JARID2: variants seen among roughly 807,000 people sequenced by gnomAD.
The protein encoded by JARID2 is protein Jumonji.
A neutral mutation model predicts 125.6 loss-of-function variants in JARID2; 21 were observed. The observed-to-expected ratio is 0.17, with a 90% confidence interval of 0.12 to 0.24. JARID2 has a LOEUF of 0.24. JARID2 is among the 10% of genes least tolerant of loss of function. The pLI is 1.00. For missense variants in JARID2, 1,303 were observed against 1,639.6 expected, an observed-to-expected ratio of 0.79 and a Z score of 3.55; for synonymous variants, 736 against 661.6, an observed-to-expected ratio of 1.11 and a Z score of -1.73.
intron 4 of JARID2, among the ~76,000 whole-genome samples, chr6:15,457,937 C>A (rs773161114): frequency 5.9e-5 from 9 of 152,088 alleles, no homozygotes; most frequent in Admixed American, 1.3e-4. Flanking sequence ...AATATTGTGA[C>A]CTAAAATTTC....
chr6:15,478,249 T>C (rs1451126985), intron 5 of JARID2, among the ~76,000 whole-genome samples: 3 of 152,140 alleles, frequency 2.0e-5, no homozygotes. Flanking sequence ...TAGCCTGGTG[T>C]CAGGGCTAAA....
rs1767432816 is a variant in JARID2, at chr6:15,441,230, C to G, written c.324-10776C>G. On this transcript the variant is annotated intron_variant, in intron 3 of 17. Coordinates refer to ENST00000341776, the MANE Select transcript of JARID2 (RefSeq NM_004973.4). The stretch of plus-strand genomic sequence containing the variant: ...TGTATATTCCTAGATGTTTTCCATA[C>G]AAGAACTTTGGGGTGTAATGAGTTG... Among the ~76,000 whole-genome samples, 4 of 152,152 alleles carry G rather than the reference C, an allele frequency of 2.6e-5. No homozygotes were observed. In the South Asian group the frequency reaches 8.3e-4, roughly 32 times the overall value.
At chr6:15,393,117 G>T (rs1447411917) in intron 2 of JARID2, among the ~76,000 whole-genome samples, 1 of 152,130 alleles carries the variant, frequency 6.6e-6, no homozygotes, top group African/African-American at 2.4e-5. Context: ...GTATCCCTAT[G>T]CTCTGTTCTT....
At chr6:15,263,181 G>A (rs1408192737) in intron 1 of JARID2, among the ~76,000 whole-genome samples, 1 of 151,604 alleles carries the variant, frequency 6.6e-6, no homozygotes, top group Non-Finnish European at 1.5e-5. Context: ...GGCCAAGAGT[G>A]GTCTCATTTC....
At chr6:15,464,313 C>A (rs192674829) in intron 4 of JARID2, among the ~76,000 whole-genome samples, 1 of 152,308 alleles carries the variant, frequency 6.6e-6, no homozygotes, top group East Asian at 1.9e-4. Flanking sequence ...GGTGACAGAG[C>A]AATGGCATGT....
chr6:15,349,065 A>G (rs769288663), intron 1 of JARID2, among the ~76,000 whole-genome samples: 6 of 152,230 alleles, frequency 3.9e-5, no homozygotes, highest in East Asian at 1.9e-4. Context: ...TCCTGAAACC[A>G]TATTGCAACA....
intron 1 of JARID2, among the ~76,000 whole-genome samples, chr6:15,337,178 A>AC (rs1561800298): frequency 6.6e-6 from 1 of 151,856 alleles, no homozygotes; most frequent in Admixed American, 6.6e-5. Flanking sequence ...GCCGATCAAA[A>AC]CCCCCAGACC....
intron 1 of JARID2, among the ~76,000 whole-genome samples, chr6:15,350,550 A>G (rs559848314): frequency 3.3e-4 from 51 of 152,280 alleles, no homozygotes; most frequent in African/African-American, 6.5e-4. Flanking sequence ...TAAAATGACA[A>G]ACAACCCATT....
At chr6:15,386,439 C>T (rs1259508944) in intron 2 of JARID2, among the ~76,000 whole-genome samples, 1 of 152,090 alleles carries the variant, frequency 6.6e-6, no homozygotes, top group Non-Finnish European at 1.5e-5. Flanking sequence ...AAAATACCTT[C>T]CTATCACGCT....
In JARID2 at chr6:15,246,599, C is replaced by G; in HGVS notation, c.45+15C>G. The G allele has an allele frequency of 6.2e-7, 1 of 1,604,914 alleles. No individual in the cohort carries two copies. The highest frequency in any genetic ancestry group is 8.5e-7 in the Non-Finnish European group (1 of 1,171,842). Reference sequence around the variant, plus strand: ...AGAAGAAATACGTAAGTGCTCCTAACAACACATCCTTTGACTTGCAGTTTT... The same window carrying G: ...AGAAGAAATACGTAAGTGCTCCTAAGAACACATCCTTTGACTTGCAGTTTT... On this transcript the variant is annotated intron_variant, in intron 1 of 17. Coordinates refer to ENST00000341776, the MANE Select transcript of JARID2 (RefSeq NM_004973.4).
chr6:15,262,268 G>T (rs1485910409), intron 1 of JARID2, among the ~76,000 whole-genome samples: 1 of 151,438 alleles, frequency 6.6e-6, no homozygotes, highest in Non-Finnish European at 1.5e-5. Context: ...CTTCACCCCA[G>T]TTCTTCCAGC....
intron 1 of JARID2, among the ~76,000 whole-genome samples, chr6:15,267,613 A>T (rs115014092): frequency 0.011 from 1,736 of 151,898 alleles, 24 homozygotes; most frequent in South Asian, 0.052. Flanking sequence ...CATGGCATTA[A>T]CTCCTTATGA....
intron 2 of JARID2, among the ~76,000 whole-genome samples, chr6:15,384,372 T>C (rs886405532): frequency 8.2e-5 from 6 of 73,518 alleles, no homozygotes; most frequent in African/African-American, 2.5e-4. Context: ...CCCACTTTGA[T>C]TTTTTTTTTT....
intron 1 of JARID2, chr6:15,315,031 A>T (rs1762135088): frequency 6.6e-6 from 1 of 152,244 alleles, no homozygotes; most frequent in Non-Finnish European, 1.5e-5. Context: ...ATTTTTATGT[A>T]TTGGAAAATC....
At chr6:15,247,674 C>A in intron 1 of JARID2, 1 of 984,998 alleles carries the variant, frequency 1.0e-6, no homozygotes, top group Non-Finnish European at 1.2e-6. Context: ...TGAGAGATGA[C>A]CTTCGGGGCA....
chr6:15,376,883 G>GT (rs745886165), intron 2 of JARID2, among the ~76,000 whole-genome samples: 6 of 152,222 alleles, frequency 3.9e-5, no homozygotes, highest in Non-Finnish European at 8.8e-5. Flanking sequence ...AGCTCACACA[G>GT]TAGGGAGCAA....
intron 1 of JARID2, among the ~76,000 whole-genome samples, chr6:15,265,478 C>G (rs565565275): frequency 4.7e-4 from 71 of 152,112 alleles, no homozygotes; most frequent in African/African-American, 1.7e-3. Context: ...GGACTGTCAG[C>G]TGGGATTTCA....
intron 9 of JARID2, among the ~76,000 whole-genome samples, chr6:15,505,691 T>A (rs1770970981): frequency 6.6e-6 from 1 of 152,274 alleles, no homozygotes; most frequent in African/African-American, 2.4e-5. Flanking sequence ...CTACACTGTG[T>A]ACCCTGGGTG....
chr6:15,403,968 T>G (rs1031665441), intron 2 of JARID2, among the ~76,000 whole-genome samples: 2 of 152,186 alleles, frequency 1.3e-5, no homozygotes, highest in African/African-American at 4.8e-5. Context: ...CATAGCTGAT[T>G]TGACAGTAGA....
Sources: allele counts gnomAD v4.1 joint callset (sites outside exome capture counted in the v4.1 genomes callset), GRCh38; gene constraint gnomAD v4.1.1; transcripts MANE v1.5; gene names NCBI Gene and HGNC (gene_info 2026-07-23, HGNC 2026-07-21).